The following VGLL4 variants were observed in gnomAD, a reference collection of about 807,000 sequenced individuals.
VGLL4 encodes the protein transcription cofactor vestigial-like protein 4.
Under a neutral mutation model 21.0 loss-of-function variants are expected in VGLL4, and 7 were observed. That is an observed-to-expected ratio of 0.33 (90% CI 0.19 to 0.63). The LOEUF (loss-of-function observed/expected upper bound fraction) is 0.63, where lower values mean the gene tolerates loss of function less well. Among genes scored for constraint, VGLL4 ranks in the 20% least tolerant of loss-of-function variants. The pLI is 0.78. For missense variants in VGLL4, 394 were observed against 425.7 expected (o/e 0.93, Z 0.66); for synonymous variants, 222 against 173.2 (o/e 1.28, Z -2.21).
At chr3:11,632,451 C>A (rs986397696) in intron 1 of VGLL4, among the ~76,000 whole-genome samples, 3 of 152,062 alleles carry the variant, frequency 2.0e-5, no homozygotes, top group Non-Finnish European at 2.9e-5. Flanking sequence ...TGCTAGTTCC[C>A]AGTATAGTGA....
At chr3:11,579,291 G>A (rs554500680) in intron 2 of VGLL4, among the ~76,000 whole-genome samples, 11 of 151,584 alleles carry the variant, frequency 7.3e-5, no homozygotes, top group Non-Finnish European at 1.5e-4. Context: ...TTATTTTGAG[G>A]ACCTCCAGGT....
intron 3 of VGLL4, 69 bp from the exon 4 acceptor site, chr3:11,559,524 C>G (rs537824826): frequency 1.4e-6 from 2 of 1,463,630 alleles, no homozygotes; most frequent in African/African-American, 1.4e-5. Context: ...TGGGGCCCTC[C>G]CCAGCACCCT....
At chr3:11,659,573 TC>T (rs36096983) in intron 2 of VGLL4, among the ~76,000 whole-genome samples, 1 of 151,186 alleles carries the variant, frequency 6.6e-6, no homozygotes. Flanking sequence ...CCTTGGGTGA[TC>T]CCCCCCGGCT....
chr3:11,693,096 A>AG, intron 2 of VGLL4: 5 of 206,452 alleles, frequency 2.4e-5, no homozygotes, highest in South Asian at 1.1e-4. Flanking sequence ...CTTGAGCCCC[A>AG]GGGGGCGGAG....
Position 11,702,324 on chromosome 3 carries a change from T to C in VGLL4, c.64+647A>G, listed in dbSNP as rs112164248. 2.9e-3 allele frequency among the ~76,000 whole-genome samples: 436 copies of C among 152,004 alleles called. 4 individuals carry two copies. Among genetic ancestry groups the C allele is most frequent in the African/African-American group, 9.6e-3 (400 of 41,486 alleles). On this transcript the variant is annotated intron_variant, in intron 2 of 5. Transcript: ENST00000273038. The stretch of plus-strand genomic sequence containing the variant: ...CTAGCATACAAAGTTAAAATACTGA[T>C]TAAGGCCAGACGTGGCAGCTCCCGT...
intron 2 of VGLL4, among the ~76,000 whole-genome samples, chr3:11,694,390 G>A (rs575313582): frequency 8.5e-5 from 13 of 152,308 alleles, no homozygotes; most frequent in Non-Finnish European, 1.0e-4. Flanking sequence ...GGAGGCCAAG[G>A]CGGGTAGATC....
chr3:11,591,058 C>T (rs746654932), intron 2 of VGLL4, among the ~76,000 whole-genome samples: 25 of 152,240 alleles, frequency 1.6e-4, no homozygotes, highest in Middle Eastern at 6.8e-3. Context: ...CCTCTAGCTA[C>T]GGATAAAAAG....
intron 2 of VGLL4, among the ~76,000 whole-genome samples, chr3:11,596,761 A>C (rs1459597164): frequency 6.6e-6 from 1 of 152,198 alleles, no homozygotes; most frequent in Non-Finnish European, 1.5e-5. Flanking sequence ...TTTTAATTTT[A>C]ATTTAAAATC....
rs1445503926 is a variant in VGLL4 at position 11,719,004 on chromosome 3, G to A, written c.-14+1390C>T. Among the ~76,000 whole-genome samples, 3 of 152,208 alleles carry A rather than the reference G, an allele frequency of 2.0e-5. No individual in the cohort carries two copies. The highest frequency in any genetic ancestry group is 4.4e-5 in the Non-Finnish European group (3 of 68,042). On this transcript the variant is annotated intron_variant, in intron 1 of 5. Transcript: ENST00000273038. The surrounding 1 kb of genome is among the most constrained non-coding windows in gnomAD (Gnocchi z 4.0). ...AATGTCTCAGGGTGATGAATCAAAG[G>A]AGACTTCAAGCAAAACAAAAAGCGA... is the stretch of plus-strand genomic sequence containing the variant.
intron 2 of VGLL4, among the ~76,000 whole-genome samples, chr3:11,685,706 C>A (rs554309797): frequency 1.3e-5 from 2 of 152,068 alleles, no homozygotes; most frequent in Non-Finnish European, 2.9e-5. Context: ...AGTCTAGTAG[C>A]CAGAATAGAT....
chr3:11,577,012 CA>C (rs2074071424), intron 2 of VGLL4, among the ~76,000 whole-genome samples: 1 of 152,184 alleles, frequency 6.6e-6, no homozygotes, highest in African/African-American at 2.4e-5. Flanking sequence ...GAAAACTAAA[CA>C]AATTCTCAGG....
At chr3:11,680,316 C>G (rs1303174045) in intron 2 of VGLL4, among the ~76,000 whole-genome samples, 3 of 152,202 alleles carry the variant, frequency 2.0e-5, no homozygotes, top group Non-Finnish European at 4.4e-5. Context: ...CCTGTTATAA[C>G]CATGAGCTGT....
rs189530836 is a variant in VGLL4 at position 11,599,882 on chromosome 3, G to C, written c.272+1951C>G. Among the ~76,000 whole-genome samples, 835 of 151,980 alleles carry C rather than the reference G, an allele frequency of 5.5e-3. 5 individuals are homozygous for C. The highest frequency in any genetic ancestry group is 0.019 in the African/African-American group (774 of 41,422). ...AATAATATTAACAATGACTAAAGCT[G>C]AGTACTTACTATCTGCCAGGCACCA... On this transcript the variant is annotated intron_variant, in intron 2 of 4. Transcript: ENST00000430365.
At chr3:11,585,635 A>G (rs1488808129) in intron 2 of VGLL4, among the ~76,000 whole-genome samples, 1 of 152,218 alleles carries the variant, frequency 6.6e-6, no homozygotes, top group East Asian at 1.9e-4. Context: ...TTAAAAAAGT[A>G]AAACTGCTGG....
At chr3:11,665,764 A>G (rs978395428) in intron 2 of VGLL4, among the ~76,000 whole-genome samples, 1 of 152,250 alleles carries the variant, frequency 6.6e-6, no homozygotes, top group African/African-American at 2.4e-5. Flanking sequence ...TCCACAGTCA[A>G]CAAAATGAGA....
At chr3:11,696,522 T>G (rs115867234) in intron 2 of VGLL4, among the ~76,000 whole-genome samples, 2 of 152,184 alleles carry the variant, frequency 1.3e-5, no homozygotes, top group South Asian at 4.1e-4. Flanking sequence ...ATCATCCCAG[T>G]GCATACAACG....
At chr3:11,632,477 G>A (rs78289872) in intron 1 of VGLL4, among the ~76,000 whole-genome samples, 2,921 of 152,216 alleles carry the variant, frequency 0.019, 85 homozygotes, top group African/African-American at 0.065. Flanking sequence ...ACAATGGAGT[G>A]AGGCAGTCTG....
chr3:11,602,689 C>T (rs1039371981), intron 1 of VGLL4, among the ~76,000 whole-genome samples: 4 of 152,158 alleles, frequency 2.6e-5, no homozygotes, highest in Non-Finnish European at 4.4e-5. Context: ...AGTTCTGAAA[C>T]ATGTTTCGAA....
rs898208470 is a variant in VGLL4 at position 11,556,138 on chromosome 3, CT to C, written c.*2417del. The C allele has an allele frequency of 2.0e-5, 3 of 152,012 alleles. No homozygotes were observed. The highest frequency in any genetic ancestry group is 2.4e-5 in the African/African-American group (1 of 41,190). The allele number at this position is 152,012 out of a possible 1,614,324, so 9.4% of individuals were successfully genotyped here. On this transcript the variant is annotated 3_prime_UTR_variant, in exon 5 of 5. Transcript: ENST00000430365. Reference sequence around the variant, plus strand: ...TACAAAAAAAGATGGCCTGCCAAACCTTTTTTTTTCTTCTTCCAGGAAAAAC... The same window carrying C: ...TACAAAAAAAGATGGCCTGCCAAACCTTTTTTTTCTTCTTCCAGGAAAAAC...
Sources: gnomAD v4.1 joint callset for allele counts (sites outside exome capture counted in the v4.1 genomes callset) on GRCh38, gnomAD v4.1.1 for gene constraint, Gnocchi (gnomAD v3.1) non-coding constraint, MANE v1.5 for transcripts, NCBI Gene and HGNC (gene_info 2026-07-23, HGNC 2026-07-21) for gene names.